The following FGFR4 variants were observed in gnomAD, a reference collection of about 807,000 sequenced individuals.
The protein encoded by FGFR4 is fibroblast growth factor receptor 4.
A neutral mutation model predicts 89.9 loss-of-function variants in FGFR4; 63 were observed. The observed-to-expected ratio is 0.70, with a 90% CI of 0.57 to 0.86. FGFR4 has a LOEUF of 0.86. Ranked by LOEUF, FGFR4 falls within the 40% of genes least tolerant of loss-of-function variation. FGFR4 has a pLI of 0.00. For missense variants in FGFR4, 928 were observed against 1,106.7 expected (o/e 0.84, Z 2.29); for synonymous variants, 486 against 479.4 (o/e 1.01, Z -0.18).
At position 177,097,644 on chromosome 5, in the gene FGFR4, T is replaced by C; in HGVS notation, c.2377T>C (p.Ser793Pro). Residue 793 changes from serine to proline, a missense_variant, in exon 18 of 18, where the codon TCC becomes CCC. Coordinates refer to ENST00000292408, the MANE Select transcript of FGFR4 (RefSeq NM_213647.3). ...CGACCCCCTGCCATTGGGATCCAGC[T>C]CCTTCCCCTTCGGGTCTGGGGTGCA... The part of the protein sequence containing the change: ...SHDPLPLGSS[S>P]FPFGSGVQT 2 of 1,614,168 alleles carry C rather than the reference T, an allele frequency of 1.2e-6. No homozygotes were observed. Among genetic ancestry groups the C allele is most frequent in the East Asian group, 2.2e-5 (1 of 44,882 alleles).
intron 7 of FGFR4, 26 bp downstream of exon 7, chr5:177,092,537 T>G (rs1322064431): frequency 6.4e-7 from 1 of 1,563,164 alleles, no homozygotes; most frequent in Non-Finnish European, 8.7e-7. Context: ...TGCTGCAGCC[T>G]GGGCCCCATT....
rs773962203 is a variant in FGFR4, at chr5:177,093,118, G to A, written c.1058-20G>A. ...CACTGACCAGTTTGTCTGTCTGTGT[G>A]TGTCCATGTGCGAGGGCAGAGGAGG... is the stretch of plus-strand genomic sequence containing the variant. On this transcript the variant is annotated intron_variant, in intron 8 of 17. Transcript: ENST00000292408. The surrounding 1 kb of genome is among the most constrained non-coding windows in gnomAD (Gnocchi z 5.8). 9 of 1,613,886 alleles carry A rather than the reference G, an allele frequency of 5.6e-6. No homozygotes were observed. The East Asian group carries it at 1.6e-4, about 28-fold the overall frequency.
chr5:177,091,893 G>A (rs1784380841), intron 6 of FGFR4, 85 bp downstream of exon 6: 8 of 1,561,596 alleles, frequency 5.1e-6, no homozygotes, highest in Non-Finnish European at 7.0e-6. Context: ...CTGGCAGGCA[G>A]GATGGACTCA....
At chr5:177,096,248 C>T in intron 14 of FGFR4, 39 bp from the exon 15 acceptor site, 8 of 1,613,758 alleles carry the variant, frequency 5.0e-6, no homozygotes, top group Non-Finnish European at 6.8e-6. Flanking sequence ...GGCACGAGGA[C>T]CTGTGGGACT....
At chr5:177,094,077 T>A (rs566363386) in intron 11 of FGFR4, among the ~76,000 whole-genome samples, 10 of 151,566 alleles carry the variant, frequency 6.6e-5, no homozygotes, top group African/African-American at 2.2e-4. Flanking sequence ...TCTGAAAAAA[T>A]AAATAAATAA....
At chr5:177,090,181 T>A (rs1453476805) in intron 2 of FGFR4, 5 of 717,356 alleles carry the variant, frequency 7.0e-6, no homozygotes, top group South Asian at 3.0e-5. Flanking sequence ...GTGCACTAAA[T>A]GCTGTGTGTG....
At position 177,095,524 on chromosome 5, in the gene FGFR4, C is replaced by G; in HGVS notation, c.1631-9C>G. On this transcript the variant is annotated splice_polypyrimidine_tract_variant and intron_variant, in intron 12 of 17. Transcript: ENST00000292408. This position sits in a 1 kb window ranked among gnomAD's most constrained non-coding sequence, Gnocchi z 5.7. ...CAGCCTCTCCACGCTCCCTCCACTC[C>G]CTCTGCAGGGCCCCTGTACGTGATC... 2.5e-6 allele frequency: 4 copies of G among 1,611,914 alleles called. No homozygotes were observed.
chr5:177,097,652 C>G lies in FGFR4; in HGVS notation c.2385C>G (p.Pro795=), dbSNP rs1309766033. Residue 795 remains proline, a synonymous_variant, in exon 18 of 18, where the codon CCC becomes CCG. Coordinates refer to ENST00000292408, the MANE Select transcript of FGFR4 (RefSeq NM_213647.3). The part of the protein sequence containing the change: ...DPLPLGSSSF[P]FGSGVQT The stretch of plus-strand genomic sequence containing the variant: ...TGCCATTGGGATCCAGCTCCTTCCC[C>G]TTCGGGTCTGGGGTGCAGACATGAG... The G allele has an allele frequency of 2.5e-6, 4 of 1,614,070 alleles. No individual in the cohort carries two copies. The highest frequency in any genetic ancestry group is 3.3e-4 in the Middle Eastern group (2 of 6,082).
chr5:177,097,109 T>TCCTCC (rs1562078287), intron 16 of FGFR4, 183 bp from the exon 17 acceptor site: 1,332 of 32,012 alleles, frequency 0.042, 432 homozygotes, highest in Admixed American at 0.05. Flanking sequence ...CCTGCTCCTC[T>TCCTCC]TCCTCCTCCT....
chr5:177,097,074 T>C, intron 16 of FGFR4: 1 of 307,604 alleles, frequency 3.3e-6, no homozygotes, highest in Non-Finnish European at 5.3e-6. Context: ...CTTCTCTTCC[T>C]CCTCCTTCTC....
At chr5:177,089,840 T>A (rs1293507879) in intron 2 of FGFR4, 147 bp downstream of exon 2, 1 of 998,198 alleles carries the variant, frequency 1.0e-6, no homozygotes, top group Non-Finnish European at 1.5e-6. Context: ...TGAGACTCAG[T>A]CAGTGCCTGG....
rs779914978 is a variant in FGFR4, at chr5:177,093,363, C to G, written c.1251+32C>G. The G allele has an allele frequency of 6.2e-7, 1 of 1,613,690 alleles. No homozygotes were observed. The highest frequency in any genetic ancestry group is 2.2e-5 in the East Asian group (1 of 44,842). ...GGCGCATCCCCCACCTCACATGTGACAGCCTGACTCCAGCAGGCAGAACCA... is the reference window on the plus strand; with the variant it reads ...GGCGCATCCCCCACCTCACATGTGAGAGCCTGACTCCAGCAGGCAGAACCA... On this transcript the variant is annotated intron_variant, in intron 9 of 17. Transcript: ENST00000292408. The surrounding 1 kb of genome is among the most constrained non-coding windows in gnomAD (Gnocchi z 5.8).
At chr5:177,088,503 AAGG>A in intron 1 of FGFR4, 1 of 188,638 alleles carries the variant, frequency 5.3e-6, no homozygotes, top group Non-Finnish European at 1.1e-5. Flanking sequence ...GGCAGTGACC[AAGG>A]AGGAGGAGGT....
intron 1 of FGFR4, 101 bp from the exon 2 acceptor site, chr5:177,089,449 T>A: frequency 2.2e-6 from 3 of 1,347,182 alleles, no homozygotes; most frequent in Non-Finnish European, 3.0e-6. Context: ...TGGACACATC[T>A]GCTGGCCACT....
Position 177,090,491 on chromosome 5 carries a change from C to T in FGFR4, c.193C>T (p.His65Tyr). The change falls in exon 3 of 18, where the codon CAC becomes TAC. Residue 65 changes from histidine to tyrosine, a missense_variant. His to Tyr is a moderately conservative substitution (Grantham distance 83). Coordinates refer to ENST00000292408, the MANE Select transcript of FGFR4 (RefSeq NM_213647.3). The stretch of plus-strand genomic sequence containing the variant: ...CTGTGGGCGGGCTGAGCGTGGTGGC[C>T]ACTGGTACAAGGAGGGCAGTCGCCT... The part of the protein sequence containing the change: ...LCCGRAERGG[H>Y]WYKEGSRLAP... The T allele has an allele frequency of 6.3e-7, 1 of 1,586,676 alleles. No individual in the cohort carries two copies. The highest frequency in any genetic ancestry group is 8.6e-7 in the Non-Finnish European group (1 of 1,165,954).
At chr5:177,090,890 C>T in intron 4 of FGFR4, 48 bp from the exon 5 acceptor site, 1 of 1,614,094 alleles carries the variant, frequency 6.2e-7, no homozygotes, top group Non-Finnish European at 8.5e-7. Context: ...AAGAGGAGGC[C>T]TGTGTGGGAA....
chr5:177,090,598 C>T lies in FGFR4; in HGVS notation c.300C>T (p.Leu100=), dbSNP rs376141494. 2.9e-5 allele frequency: 44 copies of T among 1,522,944 alleles called. No homozygotes were observed. Among genetic ancestry groups the T allele is most frequent in the Admixed American group, 4.4e-5 (2 of 45,116 alleles). The allele number at this position is 1,522,944 out of a possible 1,614,324, so 94.3% of individuals were successfully genotyped here. The part of the protein sequence containing the change: ...SFLPEDAGRY[L]CLARGSMIVL... ...TACCTGAGGATGCTGGCCGCTACCT[C>T]TGCCTGGCACGAGGCTCCATGATCG... is the stretch of plus-strand genomic sequence containing the variant. Residue 100 remains leucine, a synonymous_variant, in exon 3 of 18, where the codon CTC becomes CTT. Transcript: ENST00000292408.
Position 177,090,922 on chromosome 5 carries a change from T to TTCCCCTG in FGFR4, c.437-15_437-9dup, listed in dbSNP as rs768366360. ...GGAACACACGGTCATTCTAGGGGCC[T>TTCCCCTG]TCCCCTGCCCTCCAGCACCCTACTG... On this transcript the variant is annotated splice_polypyrimidine_tract_variant and intron_variant, in intron 4 of 17. Transcript: ENST00000292408. The TTCCCCTG allele has an allele frequency of 6.2e-7, 1 of 1,614,126 alleles. No homozygotes were observed. Among genetic ancestry groups the TTCCCCTG allele is most frequent in the Admixed American group, 1.7e-5 (1 of 60,008 alleles).
chr5:177,090,313 G>A (rs1171556298), intron 2 of FGFR4, 77 bp from the exon 3 acceptor site: 8 of 1,592,652 alleles, frequency 5.0e-6, no homozygotes, highest in Non-Finnish European at 5.1e-6. Flanking sequence ...CCCTGCATGT[G>A]CGGTGTGTTC....
Sources: allele counts gnomAD v4.1 joint callset (sites outside exome capture counted in the v4.1 genomes callset), GRCh38; gene constraint gnomAD v4.1.1; non-coding constraint Gnocchi (gnomAD v3.1); transcripts MANE v1.5; gene names NCBI Gene and HGNC (gene_info 2026-07-23, HGNC 2026-07-21).